Variants in CPNE4 observed in about 807,000 individuals in gnomAD.
CPNE4 encodes the protein copine 4.
In CPNE4, 25 loss-of-function variants were observed where a neutral mutation model predicts 67.9. The observed-to-expected ratio is 0.37, with a 90% CI of 0.27 to 0.51. The LOEUF is 0.51. Among genes scored for constraint, CPNE4 ranks in the 20% least tolerant of loss-of-function variants. The pLI is 0.93. For missense variants in CPNE4, 464 were observed against 690.8 expected (o/e 0.67, Z 3.68); for synonymous variants, 242 against 244.9 (o/e 0.99, Z 0.11).
chr3:131,955,939 CA>C (rs201493967), intron 1 of CPNE4, among the ~76,000 whole-genome samples: 1,773 of 152,248 alleles, frequency 0.012, 15 homozygotes, highest in Non-Finnish European at 0.019. Flanking sequence ...CTAGGATACT[CA>C]GGCTAAAATC....
chr3:131,807,736 C>G (rs1465235215), intron 2 of CPNE4, among the ~76,000 whole-genome samples: 1 of 152,072 alleles, frequency 6.6e-6, no homozygotes, highest in Non-Finnish European at 1.5e-5. Flanking sequence ...TCCCCACGTT[C>G]TCACCTGTAT....
intron 2 of CPNE4, among the ~76,000 whole-genome samples, chr3:131,885,542 TA>T (rs1469704692): frequency 6.6e-6 from 1 of 150,512 alleles, no homozygotes; most frequent in East Asian, 1.9e-4. Flanking sequence ...TTAATTTTTT[TA>T]TTTTTTTATT....
At chr3:131,681,460 C>T (rs980863515) in intron 6 of CPNE4, among the ~76,000 whole-genome samples, 3 of 152,174 alleles carry the variant, frequency 2.0e-5, no homozygotes, top group African/African-American at 4.8e-5. Flanking sequence ...CACTCTCCCC[C>T]GGTCTTTAAG....
chr3:131,585,062 C>T (rs1320717943), intron 8 of CPNE4, among the ~76,000 whole-genome samples: 4 of 152,172 alleles, frequency 2.6e-5, no homozygotes, highest in Non-Finnish European at 5.9e-5. Flanking sequence ...ACTACTATTC[C>T]TTTTACTTCA....
At chr3:131,735,467 T>C (rs1252763622) in intron 2 of CPNE4, among the ~76,000 whole-genome samples, 1 of 152,246 alleles carries the variant, frequency 6.6e-6, no homozygotes, top group Non-Finnish European at 1.5e-5. Flanking sequence ...CCCTTCCCAC[T>C]GTACCCTTCC....
At chr3:131,544,730 G>A (rs2107633852) in intron 14 of CPNE4, among the ~76,000 whole-genome samples, 1 of 152,230 alleles carries the variant, frequency 6.6e-6, no homozygotes, top group South Asian at 2.1e-4. Flanking sequence ...GGACATACCA[G>A]AATCATAAGT....
chr3:131,909,635 A>G (rs1280245650), intron 1 of CPNE4, among the ~76,000 whole-genome samples: 1 of 152,172 alleles, frequency 6.6e-6, no homozygotes, highest in African/African-American at 2.4e-5. Flanking sequence ...GAAATAGCAG[A>G]GGTGACACAT....
chr3:131,913,944 GCA>G (rs1457368840), intron 1 of CPNE4, among the ~76,000 whole-genome samples: 2 of 152,158 alleles, frequency 1.3e-5, no homozygotes, highest in Admixed American at 1.3e-4. Flanking sequence ...GCCATAATGA[GCA>G]CTCAATAAAT....
At chr3:132,016,391 T>C (rs938703274) in intron 1 of CPNE4, among the ~76,000 whole-genome samples, 1 of 152,206 alleles carries the variant, frequency 6.6e-6, no homozygotes, top group African/African-American at 2.4e-5. Flanking sequence ...AGCTTTCCAC[T>C]GTCAGCAGGT....
At chr3:131,734,923 A>G (rs1039671640) in intron 2 of CPNE4, among the ~76,000 whole-genome samples, 2 of 151,944 alleles carry the variant, frequency 1.3e-5, no homozygotes, top group African/African-American at 2.4e-5. Flanking sequence ...ACACTCTCAA[A>G]TTTCTGTAAC....
chr3:131,574,242 C>G (rs1414505382), intron 10 of CPNE4, among the ~76,000 whole-genome samples: 2 of 152,142 alleles, frequency 1.3e-5, no homozygotes, highest in Non-Finnish European at 1.5e-5. Context: ...TTACATCTCT[C>G]TTGTTTACGT....
chr3:131,926,901 G>C (rs2070911092), intron 1 of CPNE4, among the ~76,000 whole-genome samples: 1 of 152,134 alleles, frequency 6.6e-6, no homozygotes, highest in African/African-American at 2.4e-5. Context: ...GGAACAGCTT[G>C]GGCGAAGGAG....
chr3:131,607,301 C>T (rs995024799), intron 7 of CPNE4, among the ~76,000 whole-genome samples: 1 of 151,718 alleles, frequency 6.6e-6, no homozygotes, highest in South Asian at 2.1e-4. Context: ...ACCTATCCCA[C>T]CAGGCTTATT....
intron 7 of CPNE4, among the ~76,000 whole-genome samples, chr3:131,607,998 A>G (rs1939605542): frequency 6.6e-6 from 1 of 152,178 alleles, no homozygotes. Flanking sequence ...CTACATTGTC[A>G]ATAATTGTTA....
At chr3:131,985,007 C>T (rs1301176446) in intron 1 of CPNE4, among the ~76,000 whole-genome samples, 1 of 152,204 alleles carries the variant, frequency 6.6e-6, no homozygotes, top group Non-Finnish European at 1.5e-5. Context: ...TTACCATAGA[C>T]TGCATGACTT....
chr3:131,722,844 C>A (rs2081922086), intron 3 of CPNE4, among the ~76,000 whole-genome samples: 1 of 152,182 alleles, frequency 6.6e-6, no homozygotes, highest in African/African-American at 2.4e-5. Context: ...CTAGTAGAGT[C>A]CTAACACTGC....
intron 1 of CPNE4, among the ~76,000 whole-genome samples, chr3:131,960,781 A>C (rs2072145204): frequency 1.3e-5 from 2 of 152,084 alleles, no homozygotes; most frequent in Admixed American, 6.6e-5. Context: ...ACTTACCCTG[A>C]CCAATGAAAA....
chr3:131,588,588 G>A (rs1938331939), intron 7 of CPNE4, among the ~76,000 whole-genome samples: 1 of 152,120 alleles, frequency 6.6e-6, no homozygotes, highest in Non-Finnish European at 1.5e-5. Context: ...ATCTGACTTG[G>A]TAATCTGTTC....
At chr3:131,946,473 T>C (rs1225024) in intron 1 of CPNE4, among the ~76,000 whole-genome samples, 83,358 of 152,062 alleles carry the variant, frequency 0.55, 23,463 homozygotes, top group Admixed American at 0.69. Flanking sequence ...TTGTGAATAG[T>C]GCAGCCCTGA....
Sources: allele counts gnomAD v4.1 joint callset (sites outside exome capture counted in the v4.1 genomes callset), GRCh38; gene constraint gnomAD v4.1.1; transcripts MANE v1.5; gene names NCBI Gene and HGNC (gene_info 2026-07-23, HGNC 2026-07-21).